OSBPL10: variants seen among roughly 807,000 people sequenced by gnomAD.
OSBPL10 encodes oxysterol binding protein like 10.
In OSBPL10, 49 loss-of-function variants were observed where a neutral mutation model predicts 81.7. That is an observed-to-expected ratio of 0.60 (90% CI 0.48 to 0.76). OSBPL10 has a LOEUF of 0.76. OSBPL10 is among the 30% of genes least tolerant of loss of function. The pLI is 0.00. For missense variants in OSBPL10, 923 were observed against 987.8 expected, an observed-to-expected ratio of 0.93 and a Z score of 0.88; for synonymous variants, 419 against 383.6, an observed-to-expected ratio of 1.09 and a Z score of -1.08.
rs200138225 is a variant in OSBPL10, at chr3:31,683,722, G to A, written c.1638C>T (p.Cys546=). The A allele has an allele frequency of 2.2e-5, 36 of 1,614,000 alleles. No individual in the cohort carries two copies. Among genetic ancestry groups the A allele is most frequent in the Admixed American group, 1.8e-4 (11 of 59,994 alleles). The change falls in exon 8 of 12, where the codon TGC becomes TGT. Residue 546 remains cysteine (C), a synonymous_variant. Transcript: ENST00000396556. Reference sequence around the variant, plus strand: ...TGTTGACGCACAGTCTCTTCTCCTCGCACTCACAGTAGAAGCAGGAGATGG... The same window carrying A: ...TGTTGACGCACAGTCTCTTCTCCTCACACTCACAGTAGAAGCAGGAGATGG... The part of the protein sequence containing the change: ...HPPISCFYCE[C]EEKRLCVNTH...
chr3:31,893,617 C>T (rs1340607925), intron 1 of OSBPL10, among the ~76,000 whole-genome samples: 1 of 152,156 alleles, frequency 6.6e-6, no homozygotes, highest in Non-Finnish European at 1.5e-5. Flanking sequence ...TAGCCAGAAA[C>T]TGGAAATAAT....
At chr3:32,072,668 G>T (rs868074870) in intron 1 of OSBPL10, among the ~76,000 whole-genome samples, 12 of 152,012 alleles carry the variant, frequency 7.9e-5, no homozygotes, top group African/African-American at 2.9e-4. Flanking sequence ...CTCAGGGATT[G>T]TTCAGGCCCC....
chr3:31,830,906 C>A (rs1048548488), intron 3 of OSBPL10, among the ~76,000 whole-genome samples: 1 of 152,112 alleles, frequency 6.6e-6, no homozygotes, highest in African/African-American at 2.4e-5. Flanking sequence ...AAATTACAAT[C>A]TAGTTTATGA....
rs138260832 is a variant in OSBPL10, at chr3:31,833,661, G to T, written c.538-3430C>A. ...ACATAATTAAATACTTACAGGGTCAGCCATTAAATATCAAGATTGTAGGGA... is the reference window on the plus strand; with the variant it reads ...ACATAATTAAATACTTACAGGGTCATCCATTAAATATCAAGATTGTAGGGA... On this transcript the variant is annotated intron_variant, in intron 3 of 11. Coordinates refer to ENST00000396556, the MANE Select transcript of OSBPL10 (RefSeq NM_017784.5). Among the ~76,000 whole-genome samples the T allele has an allele frequency of 2.9e-3, 436 of 151,198 alleles. 3 individuals carry two copies. Among genetic ancestry groups the T allele is most frequent in the African/African-American group, 9.5e-3 (391 of 41,190 alleles).
chr3:32,021,164 A>C lies in OSBPL10; in HGVS notation n.298+25327T>G, dbSNP rs1699360296. Among the ~76,000 whole-genome samples the C allele has an allele frequency of 2.0e-5, 3 of 152,104 alleles. No homozygotes were observed. The South Asian group carries it at 6.2e-4, about 32-fold the overall frequency. Reference sequence around the variant, plus strand: ...TGTGTCCAAGTATAATCACATTCTGAGGTGTACTGTGGGTTAAGACCTCAA... The same window carrying C: ...TGTGTCCAAGTATAATCACATTCTGCGGTGTACTGTGGGTTAAGACCTCAA... On this transcript the variant is annotated intron_variant and non_coding_transcript_variant, in intron 2 of 3. Transcript: ENST00000479173.
At chr3:31,780,165 C>A (rs183511080) in intron 4 of OSBPL10, among the ~76,000 whole-genome samples, 1 of 151,964 alleles carries the variant, frequency 6.6e-6, no homozygotes, top group South Asian at 2.1e-4. Context: ...TGGTGGCAGG[C>A]GCCTGTAGTC....
chr3:31,878,803 C>G (rs1701545181), intron 2 of OSBPL10, among the ~76,000 whole-genome samples: 1 of 128,660 alleles, frequency 7.8e-6, no homozygotes, highest in African/African-American at 2.9e-5. Context: ...ATAATATAGA[C>G]TCTGCGTGTC....
chr3:31,790,617 G>T (rs1223166828), intron 4 of OSBPL10, among the ~76,000 whole-genome samples: 3 of 152,174 alleles, frequency 2.0e-5, no homozygotes, highest in African/African-American at 7.2e-5. Context: ...AACTGCAGGT[G>T]GGGCTGCCAC....
chr3:31,865,879 T>C (rs927297208), intron 3 of OSBPL10, among the ~76,000 whole-genome samples: 2 of 152,214 alleles, frequency 1.3e-5, no homozygotes, highest in African/African-American at 4.8e-5. Context: ...CTTTATTTAG[T>C]ATAAGCGTAA....
At chr3:31,820,300 AG>A (rs761994049) in intron 4 of OSBPL10, among the ~76,000 whole-genome samples, 8 of 152,160 alleles carry the variant, frequency 5.3e-5, no homozygotes, top group Non-Finnish European at 1.0e-4. Flanking sequence ...TGGGGATATT[AG>A]AAAAAATAAT....
At chr3:31,672,023 G>A (rs1700334699) in intron 8 of OSBPL10, among the ~76,000 whole-genome samples, 1 of 152,068 alleles carries the variant, frequency 6.6e-6, no homozygotes, top group Admixed American at 6.5e-5. Flanking sequence ...CTCTAGGGTT[G>A]CTCTGAGCTC....
intron 1 of OSBPL10, among the ~76,000 whole-genome samples, chr3:31,938,510 T>C (rs1697444702): frequency 6.6e-6 from 1 of 151,040 alleles, no homozygotes; most frequent in Non-Finnish European, 1.5e-5. Context: ...TGTGGGGTTT[T>C]TTGTTTGTTT....
chr3:31,710,711 AGCCATCCACACCTGCCATCCAAACCT>A (rs1696226143), intron 6 of OSBPL10: 1 of 152,254 alleles, frequency 6.6e-6, no homozygotes, highest in Non-Finnish European at 1.5e-5. Context: ...CAGGAGCAGC[AGCCATCCACACCTGCCATCCAAACCT>A]GCCATCCACA....
chr3:31,766,879 T>C (rs1225332336), intron 4 of OSBPL10, among the ~76,000 whole-genome samples: 1 of 152,154 alleles, frequency 6.6e-6, no homozygotes, highest in Non-Finnish European at 1.5e-5. Flanking sequence ...ATGCCTGTGA[T>C]AAACACCCAG....
intron 5 of OSBPL10, among the ~76,000 whole-genome samples, chr3:31,746,815 G>C (rs1697537802): frequency 7.9e-6 from 1 of 127,122 alleles, no homozygotes; most frequent in African/African-American, 2.9e-5. Flanking sequence ...ACACTCCGGG[G>C]ACTGTTGTGG....
intron 1 of OSBPL10, among the ~76,000 whole-genome samples, chr3:31,946,882 C>A (rs932689129): frequency 4.6e-5 from 7 of 152,066 alleles, no homozygotes; most frequent in Non-Finnish European, 1.0e-4. Flanking sequence ...CTCAGGGAGG[C>A]CTTAAGAAGA....
chr3:31,952,609 T>C (rs992891093), intron 1 of OSBPL10, among the ~76,000 whole-genome samples: 2 of 152,194 alleles, frequency 1.3e-5, no homozygotes, highest in African/African-American at 4.8e-5. Context: ...ATGATCATAC[T>C]ACTATGTAAA....
rs563753749 is a variant in OSBPL10, at chr3:31,811,136, G to A, written c.729+18904C>T. 3.2e-4 allele frequency among the ~76,000 whole-genome samples: 49 copies of A among 152,202 alleles called. No homozygotes were observed. The East Asian group carries it at 7.1e-3, about 22-fold the overall frequency. On this transcript the variant is annotated intron_variant, in intron 4 of 11. Coordinates refer to ENST00000396556, the MANE Select transcript of OSBPL10 (RefSeq NM_017784.5). ...GCAGTATTCCGCTACTCCCCAGAAA[G>A]GGGCTCAGATGTAGCCTGTGGATGG...
chr3:31,932,803 C>T (rs915537575), intron 1 of OSBPL10, among the ~76,000 whole-genome samples: 1 of 151,944 alleles, frequency 6.6e-6, no homozygotes, highest in Non-Finnish European at 1.5e-5. Flanking sequence ...ACATTTTATC[C>T]ATATTCTTAT....
Sources: gnomAD v4.1 joint callset for allele counts (sites outside exome capture counted in the v4.1 genomes callset) on GRCh38, gnomAD v4.1.1 for gene constraint, MANE v1.5 for transcripts, NCBI Gene and HGNC (gene_info 2026-07-23, HGNC 2026-07-21) for gene names.